The following MTMR4 variants were observed in gnomAD, a reference collection of about 807,000 sequenced individuals.
MTMR4 encodes myotubularin related protein 4, also known as phosphatidylinositol-3,5-bisphosphate 3-phosphatase MTMR4.
In MTMR4, 30 loss-of-function variants were observed where a neutral mutation model predicts 125.5. The observed-to-expected ratio is 0.24, with a 90% CI of 0.18 to 0.32. The LOEUF is 0.32. Ranked by LOEUF, MTMR4 falls within the 10% of genes least tolerant of loss-of-function variation. The probability of loss-of-function intolerance (pLI) is 1.00; values close to 1 mark genes in which losing one functional copy is unlikely to be tolerated. For missense variants in MTMR4, 1,039 were observed against 1,511.5 expected (o/e 0.69, Z 5.18); for synonymous variants, 498 against 564.5 (o/e 0.88, Z 1.67).
chr17:58,518,987 C>G (rs1017292158), upstream of MTMR4, among the ~76,000 whole-genome samples: 7 of 152,238 alleles, frequency 4.6e-5, no homozygotes, highest in African/African-American at 1.7e-4. Context: ...GGGTCTAGAA[C>G]AGCCTGCAAT....
intron 9 of MTMR4, 83 bp downstream of exon 9, chr17:58,506,660 C>G: frequency 6.5e-7 from 1 of 1,543,396 alleles, no homozygotes; most frequent in Non-Finnish European, 8.8e-7. Flanking sequence ...GCTCTTTCCA[C>G]TATACAAATG....
chr17:58,506,162 G>A (rs559799571), intron 9 of MTMR4, among the ~76,000 whole-genome samples: 15 of 152,328 alleles, frequency 9.8e-5, no homozygotes, highest in African/African-American at 3.6e-4. Flanking sequence ...TAGCTGCTCT[G>A]TGGCAATAAT....
In MTMR4 at chr17:58,504,983, A is replaced by G. The variant is rs1567933471; in HGVS notation, c.1146-9T>C. The G allele has an allele frequency of 6.3e-7, 1 of 1,590,756 alleles. No homozygotes were observed. Among genetic ancestry groups the G allele is most frequent in the Non-Finnish European group, 8.6e-7 (1 of 1,166,272 alleles). ...CCAGTGCCGACAACCAGCTACACAAAAGCAGACATCAAGTCGGTCACAAAG... is the reference window on the plus strand; with the variant it reads ...CCAGTGCCGACAACCAGCTACACAAGAGCAGACATCAAGTCGGTCACAAAG... On this transcript the variant is annotated splice_polypyrimidine_tract_variant and intron_variant, in intron 10 of 17. Coordinates refer to ENST00000682306, the MANE Select transcript of MTMR4 (RefSeq NM_001378067.1). This position sits in a 1 kb window ranked among gnomAD's most constrained non-coding sequence, Gnocchi z 7.1.
In MTMR4 at chr17:58,506,879, C is replaced by T. The variant is rs898298515; in HGVS notation, c.905-8G>A. On this transcript the variant is annotated splice_polypyrimidine_tract_variant and splice_region_variant and intron_variant, in intron 8 of 17. Coordinates refer to ENST00000682306, the MANE Select transcript of MTMR4 (RefSeq NM_001378067.1). ...ACGCAGTCAGAGAAGAATCTAAACA[C>T]ACAGCAGGAAGGAGTCCCTGAGTCA... The T allele has an allele frequency of 2.5e-6, 4 of 1,610,352 alleles. No individual in the cohort carries two copies. The highest frequency in any genetic ancestry group is 1.7e-5 in the Admixed American group (1 of 59,692).
intron 14 of MTMR4, among the ~76,000 whole-genome samples, chr17:58,496,659 A>C (rs1291041762): frequency 1.3e-5 from 2 of 152,182 alleles, no homozygotes; most frequent in Non-Finnish European, 2.9e-5. Context: ...ATGCCTTCTG[A>C]ATCTACTGTT....
intron 4 of MTMR4, among the ~76,000 whole-genome samples, chr17:58,509,995 G>A (rs1975884825): frequency 1.3e-5 from 2 of 152,044 alleles, no homozygotes; most frequent in Non-Finnish European, 2.9e-5. Flanking sequence ...GCTTCTCACC[G>A]CTTTGGCTGC....
chr17:58,497,346 C>T (rs543565455), intron 14 of MTMR4, among the ~76,000 whole-genome samples: 6 of 152,134 alleles, frequency 3.9e-5, no homozygotes, highest in Admixed American at 1.3e-4. Flanking sequence ...TTTAATGGTA[C>T]GAAATTCCAG....
rs1366659051 is a variant in MTMR4 at position 58,504,295 on chromosome 17, G to C, written c.1527+8C>G. On this transcript the variant is annotated splice_region_variant and intron_variant, in intron 12 of 17. Coordinates refer to ENST00000682306, the MANE Select transcript of MTMR4 (RefSeq NM_001378067.1). The surrounding 1 kb of genome is among the most constrained non-coding windows in gnomAD (Gnocchi z 7.1). ...CCCATCCCTGTTGTCACAGGCCTTA[G>C]GACTTACCAGGAATGCTTCATTAAA... The C allele has an allele frequency of 1.9e-6, 3 of 1,613,208 alleles. No homozygotes were observed. In the African/African-American group the frequency reaches 4.0e-5, roughly 22 times the overall value.
Position 58,491,782 on chromosome 17 carries a change from G to A in MTMR4, c.3511C>T (p.Gln1171Ter). ...ACGAGAACTGGGTCATAGAGTTGCTGATCAGGAATGGGCAGCTTCAGGTGG... is the reference window on the plus strand; with the variant it reads ...ACGAGAACTGGGTCATAGAGTTGCTAATCAGGAATGGGCAGCTTCAGGTGG... ...CCHLKLPIPD[Q>*]QLYDPVLVCN... is the part of the protein sequence containing the mutation. Residue 1171 changes from glutamine to a stop codon, truncating the protein, a stop_gained, in exon 18 of 18, where the codon CAG becomes TAG. Coordinates refer to ENST00000682306, the MANE Select transcript of MTMR4 (RefSeq NM_001378067.1). LOFTEE classifies it high-confidence loss of function. 6.2e-7 allele frequency: 1 copy of A among 1,614,102 alleles called. No individual in the cohort carries two copies. The highest frequency in any genetic ancestry group is 8.5e-7 in the Non-Finnish European group (1 of 1,179,996).
intron 3 of MTMR4, among the ~76,000 whole-genome samples, chr17:58,511,815 C>T (rs1419513967): frequency 1.3e-5 from 2 of 152,082 alleles, no homozygotes; most frequent in Non-Finnish European, 2.9e-5. Context: ...CCCAGGTTTG[C>T]CTGACTCCAA....
At chr17:58,507,358 G>T in intron 7 of MTMR4, 39 bp from the exon 8 acceptor site, 1 of 1,588,282 alleles carries the variant, frequency 6.3e-7, no homozygotes, top group South Asian at 1.1e-5. Context: ...CTTGGCATTC[G>T]AAGCCTCCAG....
Position 58,491,738 on chromosome 17 carries a change from T to C in MTMR4, c.3555A>G (p.Glu1185=). 6.2e-7 allele frequency: 1 copy of C among 1,614,164 alleles called. No homozygotes were observed. Among genetic ancestry groups the C allele is most frequent in the Non-Finnish European group, 8.5e-7 (1 of 1,180,010 alleles). ...CCCTGGCACGAGAGACTTGAATGTGTTCGTAACATGAGTTACAGACGAGAA... is the reference window on the plus strand; with the variant it reads ...CCCTGGCACGAGAGACTTGAATGTGCTCGTAACATGAGTTACAGACGAGAA... ...DPVLVCNSCY[E]HIQVSRAREL... is the part of the protein sequence containing the mutation. The change falls in exon 18 of 18, where the codon GAA becomes GAG. Residue 1185 remains glutamate, a synonymous_variant. Transcript: ENST00000682306.
upstream of MTMR4, among the ~76,000 whole-genome samples, chr17:58,516,361 AG>A (rs1438428408): frequency 6.6e-6 from 1 of 152,212 alleles, no homozygotes; most frequent in Non-Finnish European, 1.5e-5. Flanking sequence ...TAGCACATGC[AG>A]AAAATGATTT....
intron 4 of MTMR4, among the ~76,000 whole-genome samples, chr17:58,509,612 G>A (rs1975873300): frequency 6.6e-6 from 1 of 151,478 alleles, no homozygotes. Flanking sequence ...TAGAGACAGG[G>A]TCTCTCTATG....
chr17:58,514,245 C>G (rs996289298), intron 1 of MTMR4, 118 bp downstream of exon 1: 63 of 909,762 alleles, frequency 6.9e-5, no homozygotes, highest in Admixed American at 3.1e-4. Context: ...TCCCTGCCCC[C>G]CAAACGTTCG....
At position 58,506,175 on chromosome 17, in the gene MTMR4, T is replaced by C. The variant is rs1417086429; in HGVS notation, c.1033+568A>G. 3.3e-5 allele frequency among the ~76,000 whole-genome samples: 5 copies of C among 152,244 alleles called. No homozygotes were observed. The East Asian group carries it at 9.6e-4, about 29-fold the overall frequency. On this transcript the variant is annotated intron_variant, in intron 9 of 17. Transcript: ENST00000682306. ...AGTAGCTGCTCTGTGGCAATAATTT[T>C]ATATATACAACTTCTTTTTCTTTTT...
Position 58,491,646 on chromosome 17 carries a change from A to G in MTMR4, c.*17T>C. 1 of 1,607,820 alleles carries G rather than the reference A, an allele frequency of 6.2e-7. No homozygotes were observed. The highest frequency in any genetic ancestry group is 8.5e-7 in the Non-Finnish European group (1 of 1,175,260). ...CCCTTCAAACCTGCTAAAATTGGAC[A>G]GGTTTCTCCCCGGCATTCAACTGGA... On this transcript the variant is annotated 3_prime_UTR_variant, in exon 18 of 18. Coordinates refer to ENST00000682306, the MANE Select transcript of MTMR4 (RefSeq NM_001378067.1).
At chr17:58,497,559 G>A (rs1351598851) in intron 14 of MTMR4, among the ~76,000 whole-genome samples, 1 of 152,200 alleles carries the variant, frequency 6.6e-6, no homozygotes, top group African/African-American at 2.4e-5. Context: ...ACATTGCTCA[G>A]TGCTTCCTAT....
At chr17:58,503,662 GAA>G (rs1975699894) in intron 14 of MTMR4, 80 bp downstream of exon 14, 9 of 1,469,664 alleles carry the variant, frequency 6.1e-6, no homozygotes, top group Non-Finnish European at 7.3e-6. Flanking sequence ...AAAAAAGAAA[GAA>G]AGAGAACATT....
Sources: allele counts gnomAD v4.1 joint callset (sites outside exome capture counted in the v4.1 genomes callset), GRCh38; gene constraint gnomAD v4.1.1; non-coding constraint Gnocchi (gnomAD v3.1); transcripts MANE v1.5; gene names NCBI Gene and HGNC (gene_info 2026-07-23, HGNC 2026-07-21).